The following DDB1 variants were observed in gnomAD, a reference collection of about 807,000 sequenced individuals.
DDB1 encodes the protein damage specific DNA binding protein 1.
In DDB1, 18 loss-of-function variants were observed where a neutral mutation model predicts 133.1. The observed-to-expected ratio is 0.14, with a 90% CI of 0.09 to 0.20. The LOEUF (loss-of-function observed/expected upper bound fraction) is 0.20. DDB1 is among the 10% of genes least tolerant of loss of function. DDB1 has a pLI of 1.00. For missense variants in DDB1, 828 were observed against 1,459.2 expected (o/e 0.57, Z 7.05); for synonymous variants, 580 against 550.5 (o/e 1.05, Z -0.75).
Position 61,316,659 on chromosome 11 carries a change from T to C in DDB1, c.1226-92A>G, listed in dbSNP as rs544291820. 1.3e-4 allele frequency: 174 copies of C among 1,343,290 alleles called. 1 individual carries two copies. Among genetic ancestry groups the C allele is most frequent in the Non-Finnish European group, 1.7e-4 (160 of 937,204 alleles). 83.2% of individuals were successfully genotyped at this position (1,343,290 alleles called of 1,614,324 possible). On this transcript the variant is annotated intron_variant, in intron 10 of 26. Coordinates refer to ENST00000301764, the MANE Select transcript of DDB1 (RefSeq NM_001923.5). ...AGGGCAGGCCAGGGGCAGTGGCTCA[T>C]GCCTATAATCTCAACACTTGGGAAG...
intron 10 of DDB1, among the ~76,000 whole-genome samples, chr11:61,317,664 G>A (rs1033509002): frequency 4.0e-5 from 6 of 150,194 alleles, no homozygotes; most frequent in African/African-American, 1.2e-4. Flanking sequence ...GTGTCACCAC[G>A]CCTGGCTAAT....
intron 17 of DDB1, 30 bp from the exon 18 acceptor site, chr11:61,311,925 A>T (rs2134908527): frequency 6.2e-7 from 1 of 1,613,940 alleles, no homozygotes; most frequent in Admixed American, 1.7e-5. Flanking sequence ...CAACAGTGTC[A>T]CTTAGAAAGT....
chr11:61,308,586 TG>T (rs1427908081), intron 21 of DDB1, among the ~76,000 whole-genome samples: 65 of 152,106 alleles, frequency 4.3e-4, no homozygotes. Context: ...TCAATAAAGA[TG>T]GAAAAAAACT....
intron 4 of DDB1, chr11:61,327,660 A>G (rs1211370173): frequency 1.3e-5 from 2 of 152,248 alleles, no homozygotes; most frequent in Non-Finnish European, 2.9e-5. Flanking sequence ...CAGTCCTGCC[A>G]TTGTCAACAT....
At chr11:61,313,840 T>C in intron 15 of DDB1, 22 bp downstream of exon 15, 1 of 1,612,314 alleles carries the variant, frequency 6.2e-7, no homozygotes, top group Middle Eastern at 1.7e-4. Flanking sequence ...AAAGAGTCCC[T>C]CACTCAAAAT....
chr11:61,325,688 C>G lies in DDB1; in HGVS notation c.685G>C (p.Ala229Pro), dbSNP rs1200264302. ...ATTGACTCCTGTCCAATGATGATGG[C>G]CCCCCCAAAGGGCTCTGGGACTGCA... ...VIAVPEPFGG[A>P]IIIGQESITY... The change falls in exon 6 of 27, where the codon GCC becomes CCC. Residue 229 changes from alanine (A) to proline (P), a missense_variant. This residue lies in a region of DDB1 where 210 missense variants were observed against 344.8 expected (regional missense o/e 0.61). Coordinates refer to ENST00000301764, the MANE Select transcript of DDB1 (RefSeq NM_001923.5). 6.2e-7 allele frequency: 1 copy of G among 1,612,402 alleles called. No homozygotes were observed. Among genetic ancestry groups the G allele is most frequent in the Non-Finnish European group, 8.5e-7 (1 of 1,179,238 alleles).
intron 1 of DDB1, 67 bp downstream of exon 1, chr11:61,332,841 G>T: frequency 7.5e-7 from 1 of 1,324,712 alleles, no homozygotes; most frequent in Non-Finnish European, 9.8e-7. Context: ...GGGGCGGCGG[G>T]CCTCCCTAGG....
chr11:61,332,741 G>T lies in DDB1; in HGVS notation c.61+167C>A, dbSNP rs940747052. On this transcript the variant is annotated intron_variant, in intron 1 of 26. Coordinates refer to ENST00000301764, the MANE Select transcript of DDB1 (RefSeq NM_001923.5). ...CCAACCCCCAAAAAGCGCGTACAGG[G>T]ACGACTCTTTCGAGGTCGCGGTGCT... 7 of 524,218 alleles carry T rather than the reference G, an allele frequency of 1.3e-5. No individual in the cohort carries two copies. The African/African-American group carries it at 1.4e-4, about 11-fold the overall frequency. The allele number at this position is 524,218 out of a possible 1,614,324, so 32.5% of individuals were successfully genotyped here. A position where few individuals can be genotyped will look rare whatever the true frequency, so the allele number is the denominator to read the frequency against.
At chr11:61,315,266 T>C (rs1404837759) in intron 12 of DDB1, 1 of 152,258 alleles carries the variant, frequency 6.6e-6, no homozygotes, top group Non-Finnish European at 1.5e-5. Flanking sequence ...ATATATTGTA[T>C]AAATTTATCA....
chr11:61,304,463 T>C (rs775923416), intron 21 of DDB1, among the ~76,000 whole-genome samples: 1 of 149,892 alleles, frequency 6.7e-6, no homozygotes, highest in Non-Finnish European at 1.5e-5. Flanking sequence ...CGAGACTCTG[T>C]CTCAAAAAAA....
At chr11:61,312,198 T>C in intron 16 of DDB1, 114 bp from the exon 17 acceptor site, 1 of 837,250 alleles carries the variant, frequency 1.2e-6, no homozygotes, top group Non-Finnish European at 2.0e-6. Context: ...TTTGACTCCA[T>C]GCTAAACATC....
rs1396085108 is a variant in DDB1, at chr11:61,329,473, G to A, written c.439C>T (p.Arg147Cys). The A allele has an allele frequency of 1.1e-5, 17 of 1,613,928 alleles. No homozygotes were observed. The highest frequency in any genetic ancestry group is 1.3e-5 in the Non-Finnish European group (15 of 1,180,026). ...AAGGCCTTGAGTTCTTTATTATCGC[G>A]ATCTAGTGGAATAACCTTGAAAAGG... ...DGLFKVIPLD[R>C]DNKELKAFNI... is the part of the protein sequence containing the mutation. Residue 147 changes from arginine to cysteine, a missense_variant, in exon 4 of 27, where the codon CGC (arginine) becomes TGC (cysteine). Arg to Cys is a radical substitution (Grantham distance 180, BLOSUM62 -3). Coordinates refer to ENST00000301764, the MANE Select transcript of DDB1 (RefSeq NM_001923.5).
Position 61,321,617 on chromosome 11 carries a change from G to A in DDB1, c.1203C>T (p.Ser401=), listed in dbSNP as rs1856182764. Residue 401 remains serine, a synonymous_variant, in exon 10 of 27, where the codon AGC becomes AGT. Transcript: ENST00000301764. The stretch of plus-strand genomic sequence containing the variant: ...TACCTTTGATGCCTGGTAAGTCAAT[G>A]CTGGCATGCTCGTGGATTCCAATTC... ...RNGIGIHEHA[S]IDLPGIKGLW... 4 of 1,614,096 alleles carry A rather than the reference G, an allele frequency of 2.5e-6. No homozygotes were observed. Among genetic ancestry groups the A allele is most frequent in the Non-Finnish European group, 2.5e-6 (3 of 1,180,022 alleles).
At chr11:61,313,350 G>C in intron 16 of DDB1, 149 bp downstream of exon 16, 1 of 698,326 alleles carries the variant, frequency 1.4e-6, no homozygotes, top group Non-Finnish European at 2.3e-6. Flanking sequence ...TGTTTCTATT[G>C]GGTAGCCAGT....
At position 61,314,168 on chromosome 11, in the gene DDB1, G is replaced by A; in HGVS notation, c.1632C>T (p.Thr544=). 3 of 1,612,418 alleles carry A rather than the reference G, an allele frequency of 1.9e-6. No individual in the cohort carries two copies. Among genetic ancestry groups the A allele is most frequent in the South Asian group, 1.1e-5 (1 of 90,792 alleles). ...ACAGTCCATTGCTGTCTCCTAATGG[G>A]GTGATGTCCAAGCAAGCCACTTCAT... ...MEHEVACLDI[T]PLGDSNGLSP... The change falls in exon 14 of 27, where the codon ACC becomes ACT. Residue 544 remains threonine (T), a synonymous_variant. Coordinates refer to ENST00000301764, the MANE Select transcript of DDB1 (RefSeq NM_001923.5).
At chr11:61,331,816 C>A in intron 1 of DDB1, 125 bp from the exon 2 acceptor site, 1 of 1,340,864 alleles carries the variant, frequency 7.5e-7, no homozygotes, top group Non-Finnish European at 1.0e-6. Context: ...TTCTCCAACT[C>A]CCTCCAGCTA....
intron 6 of DDB1, chr11:61,324,366 T>A (rs1313923585): frequency 1.2e-5 from 6 of 483,576 alleles, no homozygotes; most frequent in Non-Finnish European, 1.1e-5. Context: ...ATATCTTATA[T>A]GTTTACTGAT....
intron 21 of DDB1, among the ~76,000 whole-genome samples, chr11:61,305,447 C>A (rs1855868726): frequency 6.6e-6 from 1 of 152,192 alleles, no homozygotes; most frequent in Non-Finnish European, 1.5e-5. Flanking sequence ...TCGGAGGTTG[C>A]AGTGAGCCAA....
Position 61,314,325 on chromosome 11 carries a change from C to T in DDB1, c.1572G>A (p.Gln524=). Residue 524 remains glutamine, a synonymous_variant, in exon 13 of 27, where the codon CAG becomes CAA. Transcript: ENST00000301764. ...ACACACACCTGATCTGCCGGAGCTC[C>T]TGAGGATGGATCTGCAGATAGTAGA... is the stretch of plus-strand genomic sequence containing the variant. ...RALYYLQIHP[Q]ELRQISHTEM... is the part of the protein sequence containing the mutation. The T allele has an allele frequency of 6.2e-7, 1 of 1,612,330 alleles. No individual in the cohort carries two copies. Among genetic ancestry groups the T allele is most frequent in the East Asian group, 2.2e-5 (1 of 44,892 alleles).
Sources: allele counts gnomAD v4.1 joint callset (sites outside exome capture counted in the v4.1 genomes callset), GRCh38; gene constraint gnomAD v4.1.1; regional missense constraint gnomAD v4.1.1; transcripts MANE v1.5; gene names NCBI Gene and HGNC (gene_info 2026-07-23, HGNC 2026-07-21).